The following TMEM131 variants were observed in gnomAD, a reference collection of about 807,000 sequenced individuals.
TMEM131 encodes 2610524E03Rik.
In TMEM131, 66 loss-of-function variants were observed where a neutral mutation model predicts 211.6. That is an observed-to-expected ratio of 0.31 (90% CI 0.26 to 0.38). The LOEUF is 0.38. Ranked by LOEUF, TMEM131 falls within the 10% of genes least tolerant of loss-of-function variation. The pLI is 1.00. For synonymous variants in TMEM131, 844 were observed against 841.3 expected (o/e 1.00, Z -0.06); for missense variants, 2,036 against 2,299.3 (o/e 0.89, Z 2.34).
intron 3 of TMEM131, among the ~76,000 whole-genome samples, chr2:97,899,470 C>T (rs2104326972): frequency 6.6e-6 from 1 of 152,196 alleles, no homozygotes; most frequent in South Asian, 2.1e-4. Context: ...ATAAGCATGG[C>T]TCTTAAATAC....
At chr2:97,792,315 T>C in intron 31 of TMEM131, 71 bp downstream of exon 31, 2 of 1,282,242 alleles carry the variant, frequency 1.6e-6, no homozygotes, top group Non-Finnish European at 2.1e-6. Context: ...ACTATAATCT[T>C]AATAGCTCCT....
At chr2:97,988,777 G>A (rs1680139827) in intron 1 of TMEM131, among the ~76,000 whole-genome samples, 1 of 152,180 alleles carries the variant, frequency 6.6e-6, no homozygotes, top group Non-Finnish European at 1.5e-5. Flanking sequence ...GTTGGCAAGG[G>A]CATGGAGAAA....
At position 97,818,673 on chromosome 2, in the gene TMEM131, G is replaced by C; in HGVS notation, c.1123C>G (p.Pro375Ala). The C allele has an allele frequency of 6.2e-7, 1 of 1,608,472 alleles. No individual in the cohort carries two copies. The highest frequency in any genetic ancestry group is 8.5e-7 in the Non-Finnish European group (1 of 1,176,814). Residue 375 changes from proline to alanine, a missense_variant, in exon 12 of 41, where the codon CCA becomes GCA. This residue lies in a region of TMEM131 where 277 missense variants were observed against 378.0 expected (regional missense o/e 0.73). Coordinates refer to ENST00000186436, the MANE Select transcript of TMEM131 (RefSeq NM_015348.2). ...QNDAITVHFK[P>A]ITLKASESKY... ...CTTTCTGATGCTTTTAATGTAATTG[G>C]TTTAAAGTGTACCGTTATAGCATCA...
At chr2:97,968,391 G>A (rs960550995) in intron 1 of TMEM131, among the ~76,000 whole-genome samples, 1 of 152,144 alleles carries the variant, frequency 6.6e-6, no homozygotes, top group Admixed American at 6.5e-5. Context: ...ATGAACTTCG[G>A]ACGTAAACAT....
At chr2:97,889,605 T>C (rs900042201) in intron 3 of TMEM131, among the ~76,000 whole-genome samples, 1 of 148,584 alleles carries the variant, frequency 6.7e-6, no homozygotes, top group Admixed American at 6.7e-5. Flanking sequence ...TATATTCCTA[T>C]ATATAATATA....
intron 1 of TMEM131, among the ~76,000 whole-genome samples, chr2:97,968,564 C>T (rs1679157359): frequency 1.3e-5 from 2 of 152,088 alleles, no homozygotes; most frequent in Non-Finnish European, 2.9e-5. Context: ...TTTGGAGGGG[C>T]AATGTTCAGA....
chr2:97,802,571 T>C (rs750390325), intron 23 of TMEM131, 34 bp from the exon 24 acceptor site: 2 of 1,600,358 alleles, frequency 1.2e-6, no homozygotes, highest in South Asian at 1.1e-5. Flanking sequence ...AAATGAAAGA[T>C]TTCTATAGTT....
rs200243647 is a variant in TMEM131 at position 97,837,162 on chromosome 2, G to C, written c.724-5C>G. 327 of 1,580,984 alleles carry C rather than the reference G, an allele frequency of 2.1e-4. No individual in the cohort carries two copies. Among genetic ancestry groups the C allele is most frequent in the Non-Finnish European group, 2.6e-4 (298 of 1,168,164 alleles). Reference sequence around the variant, plus strand: ...ACTAGAGTACATTTCTACAACCTGGGGCAAAAGAGCACATGATGGCTACGT... The same window carrying C: ...ACTAGAGTACATTTCTACAACCTGGCGCAAAAGAGCACATGATGGCTACGT... On this transcript the variant is annotated splice_polypyrimidine_tract_variant and splice_region_variant and intron_variant, in intron 7 of 40. Transcript: ENST00000186436.
At chr2:97,864,807 A>C (rs2105198302) in intron 4 of TMEM131, among the ~76,000 whole-genome samples, 1 of 152,350 alleles carries the variant, frequency 6.6e-6, no homozygotes, top group Middle Eastern at 3.4e-3. Context: ...GGCTATGAGA[A>C]GGCTTCCGAA....
intron 1 of TMEM131, among the ~76,000 whole-genome samples, chr2:97,952,157 CAAAAAAA>C (rs1321665891): frequency 9.5e-6 from 1 of 104,794 alleles, no homozygotes; most frequent in Non-Finnish European, 2.0e-5. Context: ...ACTCCATCTC[CAAAAAAA>C]AAAAAAAGAA....
Position 97,899,590 on chromosome 2 carries a change from G to C in TMEM131, c.290+9068C>G, listed in dbSNP as rs540917428. ...ATAAAAAATGTAACACATTCTGTTG[G>C]AAAGGATGTGGGAAACAGGCACTTT... is the stretch of plus-strand genomic sequence containing the variant. On this transcript the variant is annotated intron_variant, in intron 3 of 40. Transcript: ENST00000186436. 2.5e-4 allele frequency among the ~76,000 whole-genome samples: 38 copies of C among 152,204 alleles called. 1 individual carries two copies. The South Asian group carries it at 7.9e-3, about 32-fold the overall frequency.
intron 30 of TMEM131, 133 bp downstream of exon 30, chr2:97,793,262 G>T (rs1160832819): frequency 3.3e-6 from 3 of 898,292 alleles, no homozygotes; most frequent in Non-Finnish European, 3.3e-6. Context: ...GTTCCATACA[G>T]GGTGTTATTA....
intron 1 of TMEM131, among the ~76,000 whole-genome samples, chr2:97,967,767 A>G (rs1322749588): frequency 6.6e-6 from 1 of 152,162 alleles, no homozygotes; most frequent in East Asian, 1.9e-4. Flanking sequence ...ACTCTCAGGG[A>G]TAAGTAACTT....
chr2:97,934,406 C>T lies in TMEM131; in HGVS notation c.188-6919G>A, dbSNP rs554045261. On this transcript the variant is annotated intron_variant, in intron 1 of 40. Transcript: ENST00000186436. ...CATAAACAAGAAGACACACTATATT[C>T]ATGGATTAAAAGACTCAAAATGTAA... 5.1e-4 allele frequency among the ~76,000 whole-genome samples: 78 copies of T among 152,242 alleles called. 1 individual carries two copies. Among genetic ancestry groups the T allele is most frequent in the African/African-American group, 1.8e-3 (74 of 41,574 alleles).
intron 33 of TMEM131, 143 bp from the exon 34 acceptor site, chr2:97,766,745 T>TA: frequency 1.0e-6 from 1 of 975,646 alleles, no homozygotes; most frequent in Non-Finnish European, 1.5e-6. Context: ...CCCTTGGTCC[T>TA]AACTCAGGAC....
intron 2 of TMEM131, among the ~76,000 whole-genome samples, chr2:97,924,106 C>T (rs960545226): frequency 1.3e-5 from 2 of 149,502 alleles, no homozygotes; most frequent in Admixed American, 6.6e-5. Context: ...GATTAGAGGC[C>T]GAGCATGGTG....
chr2:97,932,218 C>T (rs1398808293), intron 1 of TMEM131, among the ~76,000 whole-genome samples: 1 of 151,502 alleles, frequency 6.6e-6, no homozygotes, highest in Admixed American at 6.6e-5. Flanking sequence ...TTTACAGTTA[C>T]ACTTGCTCAA....
intron 1 of TMEM131, among the ~76,000 whole-genome samples, chr2:97,983,189 TATC>T (rs896558997): frequency 1.3e-5 from 2 of 152,186 alleles, no homozygotes; most frequent in Admixed American, 6.5e-5. Flanking sequence ...TGTTTTTTGT[TATC>T]ATTTCTACGT....
chr2:97,953,979 T>TA (rs1423466904), intron 1 of TMEM131, among the ~76,000 whole-genome samples: 1 of 151,900 alleles, frequency 6.6e-6, no homozygotes, highest in African/African-American at 2.4e-5. Context: ...TACATATACG[T>TA]AAATAAAAAT....
Sources: allele counts gnomAD v4.1 joint callset (sites outside exome capture counted in the v4.1 genomes callset), GRCh38; gene constraint gnomAD v4.1.1; regional missense constraint gnomAD v4.1.1; transcripts MANE v1.5; gene names NCBI Gene and HGNC (gene_info 2026-07-23, HGNC 2026-07-21).